Variants in USP39 observed in about 807,000 individuals in gnomAD.
The protein encoded by USP39 is ubiquitin carboxyl-terminal hydrolase 39.
USP39 carries 38 observed loss-of-function variants against 66.4 expected under a neutral mutation model. That is an observed-to-expected ratio of 0.57 (90% CI 0.44 to 0.75). USP39 has a LOEUF of 0.75. USP39 is among the 30% of genes least tolerant of loss of function. The pLI, the probability that USP39 is intolerant of heterozygous loss-of-function variation, is 0.00. For synonymous variants in USP39, 303 were observed against 274.6 expected (o/e 1.10, Z -1.02); for missense variants, 608 against 714.4 (o/e 0.85, Z 1.70).
intron 12 of USP39, 142 bp downstream of exon 12, chr2:85,648,158 T>C (rs571891203): frequency 1.4e-6 from 1 of 734,944 alleles, no homozygotes; most frequent in Non-Finnish European, 2.2e-6. Flanking sequence ...TAGTAGTGAG[T>C]TGGGGGCAGA....
chr2:85,612,009 C>T, upstream of USP39: 1 of 1,472,420 alleles, frequency 6.8e-7, no homozygotes, highest in Non-Finnish European at 9.0e-7. Context: ...GCAGAGTCGC[C>T]GCCGCCTCGA....
At chr2:85,611,895 T>C (rs1156352935), upstream of USP39, 1 of 1,595,096 alleles carries the variant, frequency 6.3e-7, no homozygotes, top group African/African-American at 1.4e-5. Flanking sequence ...TCTGGTTCCG[T>C]CGGATATGGT....
chr2:85,608,839 G>A, upstream of USP39: 4 of 1,490,492 alleles, frequency 2.7e-6, no homozygotes, highest in Non-Finnish European at 3.7e-6. Context: ...AGCTCTGGGG[G>A]TCTCAAGATC....
intron 6 of USP39, among the ~76,000 whole-genome samples, chr2:85,632,663 A>G (rs1338298392): frequency 2.0e-5 from 3 of 152,086 alleles, no homozygotes; most frequent in Middle Eastern, 6.8e-3. Context: ...TTAGCCAGGC[A>G]GGTCTCGAGC....
chr2:85,639,469 T>C, intron 9 of USP39, 78 bp downstream of exon 9: 1 of 1,406,354 alleles, frequency 7.1e-7, no homozygotes, highest in South Asian at 1.4e-5. Flanking sequence ...TTTTTTTTTT[T>C]TCAAGACAGA....
upstream of USP39, chr2:85,611,364 A>G: frequency 6.9e-7 from 1 of 1,446,258 alleles, no homozygotes; most frequent in Non-Finnish European, 9.0e-7. Context: ...GCTGTGCCAG[A>G]CTTTCTCTTT....
At chr2:85,621,272 T>G (rs971980649) in intron 2 of USP39, 7 of 475,402 alleles carry the variant, frequency 1.5e-5, no homozygotes. Flanking sequence ...GGCTCGTGGG[T>G]ATTATGTGTC....
upstream of USP39, chr2:85,610,577 G>C (rs1673443769): frequency 6.6e-6 from 1 of 152,056 alleles, no homozygotes; most frequent in Non-Finnish European, 1.5e-5. Flanking sequence ...TTCTTATGAG[G>C]TTGTATAAAG....
chr2:85,618,139 A>G (rs1246363390), intron 1 of USP39, among the ~76,000 whole-genome samples: 1 of 152,008 alleles, frequency 6.6e-6, no homozygotes, highest in Non-Finnish European at 1.5e-5. Flanking sequence ...ATTTTTTAGT[A>G]GAGATGGGGT....
intron 8 of USP39, 33 bp downstream of exon 8, chr2:85,637,469 T>C: frequency 6.2e-7 from 1 of 1,607,956 alleles, no homozygotes; most frequent in South Asian, 1.1e-5. Flanking sequence ...TTGGACTGAT[T>C]CATATTGCTT....
At chr2:85,608,218 T>C (rs1673288381), upstream of USP39, 1 of 152,210 alleles carries the variant, frequency 6.6e-6, no homozygotes, top group Non-Finnish European at 1.5e-5. Context: ...CTAGGTTTCC[T>C]GTCTAGACAG....
chr2:85,622,122 A>AT (rs1196215457), intron 3 of USP39, among the ~76,000 whole-genome samples: 107 of 141,400 alleles, frequency 7.6e-4, no homozygotes, highest in South Asian at 1.6e-3. Flanking sequence ...GCCCGGCCTA[A>AT]TTTTTTTTTT....
Position 85,619,243 on chromosome 2 carries a change from G to C in USP39, c.292G>C (p.Glu98Gln), listed in dbSNP as rs1473989847. The C allele has an allele frequency of 1.2e-6, 2 of 1,613,616 alleles. No individual in the cohort carries two copies. The highest frequency in any genetic ancestry group is 2.7e-5 in the African/African-American group (2 of 74,862). ...VRAKNGRVDS[E>Q]DRRSRHCPYL... is the part of the protein sequence containing the mutation. ...AGCAAAGAATGGCCGAGTGGATTCT[G>C]AGGACCGGAGGAGCCGCCACTGCCC... Residue 98 changes from glutamate (E) to glutamine (Q), a missense_variant, in exon 2 of 13, where the codon GAG becomes CAG. Physicochemically the swap from Glu to Gln is conservative, Grantham distance 29. Transcript: ENST00000323701.
intron 8 of USP39, 50 bp from the exon 9 acceptor site, chr2:85,639,153 C>T: frequency 6.4e-7 from 1 of 1,553,584 alleles, no homozygotes; most frequent in Non-Finnish European, 8.7e-7. Context: ...TGTGTTGGTT[C>T]CTATACCCGT....
chr2:85,618,834 A>C (rs568639670), intron 1 of USP39, among the ~76,000 whole-genome samples: 21 of 151,342 alleles, frequency 1.4e-4, no homozygotes, highest in Admixed American at 1.3e-3. Context: ...CAGCGGTACG[A>C]TCTCTGCTCA....
At chr2:85,645,393 A>G in intron 11 of USP39, 1 of 214,478 alleles carries the variant, frequency 4.7e-6, no homozygotes, top group South Asian at 8.3e-5. Context: ...TCTCTGCCTC[A>G]GCCTCCCGAA....
chr2:85,611,634 G>A, upstream of USP39: 2 of 1,564,440 alleles, frequency 1.3e-6, no homozygotes, highest in Non-Finnish European at 8.7e-7. Context: ...GGAAGAGCGC[G>A]CGGGCTGGAG....
intron 1 of USP39, among the ~76,000 whole-genome samples, chr2:85,603,760 T>A (rs1673100651): frequency 6.6e-6 from 1 of 151,868 alleles, no homozygotes; most frequent in African/African-American, 2.4e-5. Context: ...ACCCGGCTAA[T>A]TTTTTTGTAT....
chr2:85,639,354 TC>T lies in USP39; in HGVS notation c.1248del (p.Phe416LeufsTer23). On this transcript the variant is annotated frameshift_variant, in exon 9 of 13. Coordinates refer to ENST00000323701, the MANE Select transcript of USP39 (RefSeq NM_006590.4). LOFTEE classifies it high-confidence loss of function. ...EQLIIPQVPL[F>X]NILAKFNGIT... ...CTCATCATTCCCCAAGTGCCACTCT[TC>T]AACATCCTGGCTAAGTTCAATGGCA... 1.9e-6 allele frequency: 3 copies of T among 1,613,936 alleles called. No individual in the cohort carries two copies. Among genetic ancestry groups the T allele is most frequent in the Non-Finnish European group, 2.5e-6 (3 of 1,180,008 alleles).
Sources: gnomAD v4.1 joint callset for allele counts (sites outside exome capture counted in the v4.1 genomes callset) on GRCh38, gnomAD v4.1.1 for gene constraint, MANE v1.5 for transcripts, NCBI Gene and HGNC (gene_info 2026-07-23, HGNC 2026-07-21) for gene names.